Variants in CCSER1 observed in about 807,000 individuals in gnomAD.
CCSER1 encodes coiled-coil serine rich protein 1, also known as serine-rich coiled-coil domain-containing protein 1.
In CCSER1, 41 loss-of-function variants were observed where a neutral mutation model predicts 82.0. The ratio of observed to expected loss-of-function variants is 0.50; its 90% CI spans 0.39 to 0.65. The LOEUF (loss-of-function observed/expected upper bound fraction) is 0.65. Ranked by LOEUF, CCSER1 falls within the 30% of genes least tolerant of loss-of-function variation. CCSER1 has a pLI of 0.00. For synonymous variants in CCSER1, 414 were observed against 383.9 expected (o/e 1.08, Z -0.92); for missense variants, 1,119 against 1,064.2 (o/e 1.05, Z -0.72).
intron 10 of CCSER1, among the ~76,000 whole-genome samples, chr4:91,187,258 G>A (rs1435385328): frequency 1.3e-5 from 2 of 152,156 alleles, no homozygotes; most frequent in Non-Finnish European, 2.9e-5. Flanking sequence ...CTGTAGACTG[G>A]AGCTGTTCCT....
At chr4:91,084,663 T>G (rs182152340) in intron 9 of CCSER1, among the ~76,000 whole-genome samples, 113 of 152,294 alleles carry the variant, frequency 7.4e-4, no homozygotes, top group African/African-American at 2.7e-3. Context: ...CACATATAAT[T>G]TAGCCTCTTT....
chr4:91,076,637 A>C (rs1561526290), intron 9 of CCSER1, among the ~76,000 whole-genome samples: 1 of 152,136 alleles, frequency 6.6e-6, no homozygotes. Flanking sequence ...AAATAAGCTA[A>C]AATAATATTT....
chr4:90,632,120 T>C (rs1021287959), intron 6 of CCSER1, among the ~76,000 whole-genome samples: 1 of 152,154 alleles, frequency 6.6e-6, no homozygotes, highest in Admixed American at 6.5e-5. Flanking sequence ...AACGCTGAGA[T>C]CTACTTGTAA....
chr4:91,011,145 C>A lies in CCSER1; in HGVS notation c.2173-74805C>A, dbSNP rs1294640252. 3.0e-5 allele frequency among the ~76,000 whole-genome samples: 4 copies of A among 134,410 alleles called. 2 individuals are homozygous for A. 88.2% of individuals were successfully genotyped at this position (134,410 alleles called of 152,430 possible). A position where few individuals can be genotyped will look rare whatever the true frequency, so the allele number is the denominator to read the frequency against. Reference sequence around the variant, plus strand: ...TGGTGACTCTGGTTCTGAGTAAATGCAATGGTACAGCCTCCAGTGCAGCTT... The same window carrying A: ...TGGTGACTCTGGTTCTGAGTAAATGAAATGGTACAGCCTCCAGTGCAGCTT... On this transcript the variant is annotated intron_variant, in intron 9 of 10. Transcript: ENST00000509176.
chr4:90,899,714 GT>G (rs1318925810), intron 8 of CCSER1, among the ~76,000 whole-genome samples: 5 of 151,872 alleles, frequency 3.3e-5, no homozygotes, highest in African/African-American at 1.2e-4. Flanking sequence ...TAATGATAGG[GT>G]TTTTTAAAAA....
chr4:91,061,815 A>G (rs1383642116), intron 9 of CCSER1, among the ~76,000 whole-genome samples: 1 of 152,022 alleles, frequency 6.6e-6, no homozygotes, highest in Non-Finnish European at 1.5e-5. Flanking sequence ...TTGTTCCTCA[A>G]TGTAGCACAG....
At chr4:90,540,379 T>C (rs2153635511) in intron 5 of CCSER1, among the ~76,000 whole-genome samples, 1 of 152,196 alleles carries the variant, frequency 6.6e-6, no homozygotes, top group South Asian at 2.1e-4. Flanking sequence ...AGGCCTATTA[T>C]AAAAATTTTA....
chr4:90,857,412 G>A (rs984467062), intron 8 of CCSER1, among the ~76,000 whole-genome samples: 2 of 152,044 alleles, frequency 1.3e-5, no homozygotes, highest in African/African-American at 4.8e-5. Context: ...TTTCCTCTAA[G>A]GGAGCACATG....
At chr4:91,581,400 G>C (rs1763719348) in intron 10 of CCSER1, among the ~76,000 whole-genome samples, 1 of 151,584 alleles carries the variant, frequency 6.6e-6, no homozygotes, top group African/African-American at 2.4e-5. Context: ...GGTTGTTGGG[G>C]AAAAAAATTG....
At position 91,461,520 on chromosome 4, in the gene CCSER1, G is replaced by A. The variant is rs572329236; in HGVS notation, c.2218-137052G>A. On this transcript the variant is annotated intron_variant, in intron 10 of 10. Coordinates refer to ENST00000509176, the MANE Select transcript of CCSER1 (RefSeq NM_001145065.2). Reference sequence around the variant, plus strand: ...TTGTGGGACAACAAATGACCCCTGTGCATTGTCAAACCCCTTACCAGGACG... The same window carrying A: ...TTGTGGGACAACAAATGACCCCTGTACATTGTCAAACCCCTTACCAGGACG... Among the ~76,000 whole-genome samples, 15 of 152,198 alleles carry A rather than the reference G, an allele frequency of 9.9e-5. No homozygotes were observed. The East Asian group carries it at 2.5e-3, about 26-fold the overall frequency.
intron 7 of CCSER1, among the ~76,000 whole-genome samples, chr4:90,811,908 T>TAC (rs1259957001): frequency 3.4e-5 from 4 of 118,448 alleles, no homozygotes; most frequent in Admixed American, 8.1e-5. Flanking sequence ...GGAATATATA[T>TAC]ATACACACAC....
chr4:91,591,235 T>C (rs984229641), intron 10 of CCSER1, among the ~76,000 whole-genome samples: 8 of 152,260 alleles, frequency 5.3e-5, no homozygotes, highest in Non-Finnish European at 2.9e-5. Flanking sequence ...CTTATTTACA[T>C]TTAAGATTTA....
intron 5 of CCSER1, among the ~76,000 whole-genome samples, chr4:90,497,666 A>G (rs1002933926): frequency 4.6e-5 from 7 of 152,234 alleles, no homozygotes; most frequent in Admixed American, 1.3e-4. Flanking sequence ...GAATATCAAT[A>G]TAAAGCCAAA....
At chr4:91,460,718 C>A (rs1045179207) in intron 10 of CCSER1, among the ~76,000 whole-genome samples, 1 of 152,078 alleles carries the variant, frequency 6.6e-6, no homozygotes, top group Non-Finnish European at 1.5e-5. Flanking sequence ...TCGAGCACAC[C>A]GTGAAAGCCA....
At chr4:90,701,307 T>A (rs1415966717) in intron 6 of CCSER1, among the ~76,000 whole-genome samples, 1 of 152,176 alleles carries the variant, frequency 6.6e-6, no homozygotes, top group Non-Finnish European at 1.5e-5. Flanking sequence ...TGTGTGGTAT[T>A]ATTTCTGAGG....
chr4:90,974,144 G>T (rs1735379813), intron 9 of CCSER1, among the ~76,000 whole-genome samples: 1 of 151,516 alleles, frequency 6.6e-6, no homozygotes. Context: ...GTAATTTGCA[G>T]CAATGTGACA....
intron 1 of CCSER1, among the ~76,000 whole-genome samples, chr4:90,233,801 T>A (rs1165861450): frequency 6.6e-6 from 1 of 152,030 alleles, no homozygotes; most frequent in Non-Finnish European, 1.5e-5. Flanking sequence ...AGTATTTTTT[T>A]ATTTTGTTCT....
chr4:90,357,857 G>T (rs1744636997), intron 3 of CCSER1, among the ~76,000 whole-genome samples: 1 of 151,954 alleles, frequency 6.6e-6, no homozygotes, highest in Admixed American at 6.6e-5. Context: ...GGCATTTCCT[G>T]CTTCTCAGTT....
In CCSER1 at chr4:90,668,489, T is replaced by C. The variant is rs1579835259; in HGVS notation, c.1932+40257T>C. Reference sequence around the variant, plus strand: ...CACTTACATGCTCATTTTTATGCTATGTGAATTGAATGTCATAAAATTCAT... The same window carrying C: ...CACTTACATGCTCATTTTTATGCTACGTGAATTGAATGTCATAAAATTCAT... On this transcript the variant is annotated intron_variant, in intron 6 of 10. Transcript: ENST00000509176. Among the ~76,000 whole-genome samples, 4 of 152,292 alleles carry C rather than the reference T, an allele frequency of 2.6e-5. No individual in the cohort carries two copies. The East Asian group carries it at 7.7e-4, about 29-fold the overall frequency.
Sources: gnomAD v4.1 joint callset for allele counts (sites outside exome capture counted in the v4.1 genomes callset) on GRCh38, gnomAD v4.1.1 for gene constraint, MANE v1.5 for transcripts, NCBI Gene and HGNC (gene_info 2026-07-23, HGNC 2026-07-21) for gene names.